The following TMOD1 variants were observed in gnomAD, a reference collection of about 807,000 sequenced individuals.
TMOD1 encodes tropomodulin 1.
Under a neutral mutation model 40.6 loss-of-function variants are expected in TMOD1, and 17 were observed. That is an observed-to-expected ratio of 0.42 (90% CI 0.29 to 0.63). The LOEUF (loss-of-function observed/expected upper bound fraction) is 0.63, where lower values mean the gene tolerates loss of function less well. Among genes scored for constraint, TMOD1 ranks in the 20% least tolerant of loss-of-function variants. The pLI is 0.22. For missense variants in TMOD1, 391 were observed against 447.6 expected (o/e 0.87, Z 1.14); for synonymous variants, 181 against 175.0 (o/e 1.03, Z -0.27).
intron 4 of TMOD1, among the ~76,000 whole-genome samples, chr9:97,559,794 A>AAAAATAT (rs1390791825): frequency 1.3e-3 from 31 of 23,144 alleles, no homozygotes; most frequent in East Asian, 0.01. Context: ...AAAAAAAAAA[A>AAAAATAT]ATATATATAT....
Position 97,551,575 on chromosome 9 carries a change from C to T in TMOD1, c.278-1706C>T, listed in dbSNP as rs192809739. ...TTCATTGTCTATCTATCTATCCTTACGCCAGCACTACACTGTTTAGCTTTT... is the reference window on the plus strand; with the variant it reads ...TTCATTGTCTATCTATCTATCCTTATGCCAGCACTACACTGTTTAGCTTTT... On this transcript the variant is annotated intron_variant, in intron 3 of 9. Transcript: ENST00000259365. 1.3e-4 allele frequency among the ~76,000 whole-genome samples: 20 copies of T among 152,280 alleles called. No individual in the cohort carries two copies. The East Asian group carries it at 1.4e-3, about 10-fold the overall frequency.
At chr9:97,561,487 G>A (rs902871997) in intron 4 of TMOD1, among the ~76,000 whole-genome samples, 1 of 152,220 alleles carries the variant, frequency 6.6e-6, no homozygotes, top group Non-Finnish European at 1.5e-5. Flanking sequence ...CTGGGCATCA[G>A]GAATTTCAAC....
At chr9:97,540,743 T>C (rs1295120600) in intron 2 of TMOD1, among the ~76,000 whole-genome samples, 1 of 152,246 alleles carries the variant, frequency 6.6e-6, no homozygotes, top group Non-Finnish European at 1.5e-5. Context: ...TTCAATTGTA[T>C]GGGTATACCA....
rs58522887 is a variant in TMOD1, at chr9:97,559,772, T to TAAAAA, written c.398-2941_398-2937dup. On this transcript the variant is annotated intron_variant, in intron 4 of 9. Transcript: ENST00000259365. ...AGAGCGAGACTCCGCCTCAAAAATT[T>TAAAAA]AAAAAAAAAAAAAAAAAAAAAAATA... Among the ~76,000 whole-genome samples the TAAAAA allele has an allele frequency of 3.7e-3, 137 of 36,830 alleles. 2 individuals are homozygous for TAAAAA. Among genetic ancestry groups the TAAAAA allele is most frequent in the African/African-American group, 9.2e-3 (82 of 8,932 alleles). The allele number at this position is 36,830 out of a possible 152,430, so 24.2% of individuals were successfully genotyped here.
intron 8 of TMOD1, among the ~76,000 whole-genome samples, chr9:97,570,389 AC>A: frequency 1.3e-5 from 2 of 152,308 alleles, no homozygotes; most frequent in East Asian, 3.9e-4. Context: ...GACAGCTTGA[AC>A]CAGCTTGCAA....
intron 2 of TMOD1, among the ~76,000 whole-genome samples, chr9:97,533,305 A>G (rs1175957607): frequency 6.6e-6 from 1 of 152,228 alleles, no homozygotes; most frequent in Non-Finnish European, 1.5e-5. Context: ...GATGAAAAGC[A>G]CCTAGCCCAG....
At chr9:97,571,545 G>A (rs1386960698) in intron 8 of TMOD1, among the ~76,000 whole-genome samples, 1 of 152,236 alleles carries the variant, frequency 6.6e-6, no homozygotes, top group African/African-American at 2.4e-5. Flanking sequence ...CAGGTATCAT[G>A]TGCCAAAACC....
At chr9:97,559,825 G>GTCTA (rs1323477218) in intron 4 of TMOD1, among the ~76,000 whole-genome samples, 1,156 of 10,280 alleles carry the variant, frequency 0.11, 53 homozygotes, top group African/African-American at 0.29. Flanking sequence ...ATATATATAT[G>GTCTA]TCTATCTATC....
chr9:97,527,823 G>T (rs1183458598), intron 2 of TMOD1, among the ~76,000 whole-genome samples: 1 of 152,210 alleles, frequency 6.6e-6, no homozygotes, highest in East Asian at 1.9e-4. Context: ...GGGAATCTCT[G>T]CCATTCCCAG....
At chr9:97,525,374 C>T (rs1829997645) in intron 2 of TMOD1, among the ~76,000 whole-genome samples, 1 of 152,190 alleles carries the variant, frequency 6.6e-6, no homozygotes, top group South Asian at 2.1e-4. Context: ...CACACACACA[C>T]ACAATACAAG....
rs145980421 is a variant in TMOD1 at position 97,534,190 on chromosome 9, C to A, written c.120+9882C>A. Among the ~76,000 whole-genome samples the A allele has an allele frequency of 1.2e-4, 18 of 152,252 alleles. No individual in the cohort carries two copies. The East Asian group carries it at 2.9e-3, about 24-fold the overall frequency. On this transcript the variant is annotated intron_variant, in intron 2 of 9. Coordinates refer to ENST00000259365, the MANE Select transcript of TMOD1 (RefSeq NM_003275.4). ...GAGCCTGTGAAGTGTAGCCTTTAAT[C>A]TGAGCAGCCAAGAGCTCAACTAAAA...
chr9:97,549,883 G>A (rs1357209551), intron 3 of TMOD1, among the ~76,000 whole-genome samples: 1 of 151,986 alleles, frequency 6.6e-6, no homozygotes, highest in Non-Finnish European at 1.5e-5. Context: ...CAGCTACTGT[G>A]AGCTGTGTAG....
rs71487335 is a variant in TMOD1, at chr9:97,595,533, CT to C, written c.1016-4081del. Reference sequence around the variant, plus strand: ...ATGTGGTTGCAAATGAACAAATTTCCTTTTTTTTTTTTTTTTTTTTAAAGAA... The same window carrying C: ...ATGTGGTTGCAAATGAACAAATTTCCTTTTTTTTTTTTTTTTTTTAAAGAA... On this transcript the variant is annotated intron_variant, in intron 9 of 9. Transcript: ENST00000259365. Among the ~76,000 whole-genome samples, 618 of 121,656 alleles carry C rather than the reference CT, an allele frequency of 5.1e-3. 2 individuals carry two copies. The highest frequency in any genetic ancestry group is 0.023 in the Middle Eastern group (5 of 216). The allele number at this position is 121,656 out of a possible 152,430, so 79.8% of individuals were successfully genotyped here.
intron 9 of TMOD1, among the ~76,000 whole-genome samples, chr9:97,599,184 T>C (rs1167312241): frequency 6.9e-6 from 1 of 145,012 alleles, no homozygotes; most frequent in African/African-American, 2.4e-5. Context: ...CAGGGTAATC[T>C]TTCGGGTGGA....
At chr9:97,589,420 C>T (rs146954296) in intron 8 of TMOD1, among the ~76,000 whole-genome samples, 1,798 of 149,800 alleles carry the variant, frequency 0.012, 26 homozygotes, top group African/African-American at 0.041. Context: ...TACAGGTGTG[C>T]GCCACCACGC....
chr9:97,548,721 A>G (rs576525475), intron 3 of TMOD1, among the ~76,000 whole-genome samples: 8 of 152,240 alleles, frequency 5.3e-5, no homozygotes, highest in African/African-American at 1.9e-4. Context: ...TTCATGAAAA[A>G]CCAGGCTGAC....
chr9:97,580,328 C>T (rs1015045372), intron 8 of TMOD1, among the ~76,000 whole-genome samples: 1 of 152,068 alleles, frequency 6.6e-6, no homozygotes, highest in African/African-American at 2.4e-5. Context: ...ACAGAGGAGC[C>T]GAGTGCAGTG....
chr9:97,522,109 A>G (rs1829927305), intron 1 of TMOD1, among the ~76,000 whole-genome samples: 1 of 152,176 alleles, frequency 6.6e-6, no homozygotes, highest in Non-Finnish European at 1.5e-5. Flanking sequence ...TATCTGTTAC[A>G]TAAGTTTGCC....
At chr9:97,591,854 C>A (rs995976267) in intron 9 of TMOD1, among the ~76,000 whole-genome samples, 1 of 152,130 alleles carries the variant, frequency 6.6e-6, no homozygotes, top group Non-Finnish European at 1.5e-5. Flanking sequence ...ATAGGACTAC[C>A]AAAATCTGAG....
Sources: gnomAD v4.1 joint callset for allele counts (sites outside exome capture counted in the v4.1 genomes callset) on GRCh38, gnomAD v4.1.1 for gene constraint, MANE v1.5 for transcripts, NCBI Gene and HGNC (gene_info 2026-07-23, HGNC 2026-07-21) for gene names.